The following NBAS variants were observed in gnomAD, a reference collection of about 807,000 sequenced individuals.
The protein encoded by NBAS is NAG/BC035112 fusion.
In NBAS, 219 loss-of-function variants were observed where a neutral mutation model predicts 302.5. That is an observed-to-expected ratio of 0.72 (90% CI 0.65 to 0.81). The LOEUF (loss-of-function observed/expected upper bound fraction) is 0.81. Among genes scored for constraint, NBAS ranks in the 30% least tolerant of loss-of-function variants. NBAS has a pLI of 0.00. For missense variants in NBAS, 2,932 were observed against 2,841.6 expected (o/e 1.03, Z -0.72); for synonymous variants, 1,118 against 1,021.6 (o/e 1.09, Z -1.80).
At chr2:15,500,588 C>G (rs1049097690) in intron 11 of NBAS, among the ~76,000 whole-genome samples, 2 of 151,174 alleles carry the variant, frequency 1.3e-5, no homozygotes, top group Non-Finnish European at 2.9e-5. Flanking sequence ...CCTCAAAAGC[C>G]TGTGACAAAA....
intron 40 of NBAS, among the ~76,000 whole-genome samples, chr2:15,299,369 C>T (rs1176321995): frequency 6.6e-6 from 1 of 152,154 alleles, no homozygotes; most frequent in Non-Finnish European, 1.5e-5. Context: ...CATAAATATT[C>T]ATGACAACAA....
At chr2:14,784,936 T>C in the NBAS span, among the ~76,000 whole-genome samples, 1 of 152,356 alleles carries the variant, frequency 6.6e-6, no homozygotes, top group South Asian at 2.1e-4. Context: ...CGATACTGAT[T>C]CTTCCTACCC....
At chr2:15,491,506 G>GCGGGCACATCACGAGGTCAGGAGAT (rs1680852266) in intron 11 of NBAS, among the ~76,000 whole-genome samples, 1 of 152,202 alleles carries the variant, frequency 6.6e-6, no homozygotes, top group Non-Finnish European at 1.5e-5. Context: ...GGAGGCCGAG[G>GCGGGCACATCACGAGGTCAGGAGAT]CGGGCACATC....
At chr2:15,232,344 A>G in intron 47 of NBAS, 78 bp downstream of exon 47, 2 of 1,366,962 alleles carry the variant, frequency 1.5e-6, no homozygotes, top group Non-Finnish European at 1.0e-6. Context: ...GAAGCCTCAT[A>G]CATACGGATA....
the NBAS span, among the ~76,000 whole-genome samples, chr2:15,110,174 G>A: frequency 6.6e-6 from 1 of 152,092 alleles, no homozygotes; most frequent in African/African-American, 2.4e-5. Flanking sequence ...GAAGTCACCT[G>A]AGAGCTCAGG....
intron 41 of NBAS, 115 bp downstream of exon 41, chr2:15,292,422 T>A: frequency 9.0e-7 from 1 of 1,115,682 alleles, no homozygotes; most frequent in South Asian, 1.4e-5. Context: ...AAAGCCCTAT[T>A]CATAGCAACC....
chr2:14,849,472 ATG>A, the NBAS span, among the ~76,000 whole-genome samples: 10 of 152,074 alleles, frequency 6.6e-5, no homozygotes, highest in East Asian at 1.9e-4. Flanking sequence ...CCTGAAAGTG[ATG>A]CGGAGAATGG....
chr2:14,869,918 G>A, the NBAS span, among the ~76,000 whole-genome samples: 5 of 152,166 alleles, frequency 3.3e-5, no homozygotes, highest in Admixed American at 6.5e-5. Context: ...TCATCACAGA[G>A]TCAACACTGA....
chr2:14,986,230 A>G, the NBAS span, among the ~76,000 whole-genome samples: 206 of 99,812 alleles, frequency 2.1e-3, no homozygotes, highest in African/African-American at 8.6e-3. Context: ...ATAATTGGGG[A>G]AAAAAAAAAA....
rs574689510 is a variant in NBAS at position 15,300,676 on chromosome 2, G to A, written c.4797+7540C>T. ...CAGTGGGCTAGGTCTGGTGATACAG[G>A]AAGCAAGAGAATTCCTGTCTTCAAA... is the stretch of plus-strand genomic sequence containing the variant. On this transcript the variant is annotated intron_variant, in intron 40 of 51. Transcript: ENST00000281513. Among the ~76,000 whole-genome samples the A allele has an allele frequency of 5.3e-5, 8 of 152,308 alleles. No homozygotes were observed. The South Asian group carries it at 1.5e-3, about 28-fold the overall frequency.
chr2:15,043,718 A>G, the NBAS span, among the ~76,000 whole-genome samples: 125,115 of 152,158 alleles, frequency 0.82, 51,788 homozygotes, highest in East Asian at 0.99. Context: ...GGTTTAAGGG[A>G]TTAAAATGTT....
the NBAS span, among the ~76,000 whole-genome samples, chr2:14,984,494 G>A: frequency 1.8e-4 from 28 of 152,212 alleles, no homozygotes; most frequent in Admixed American, 1.8e-3. Flanking sequence ...TGTGAGCACT[G>A]ACTTAGTTGG....
chr2:15,426,987 G>A (rs1048697450), intron 22 of NBAS, among the ~76,000 whole-genome samples: 2 of 152,136 alleles, frequency 1.3e-5, no homozygotes, highest in Non-Finnish European at 2.9e-5. Context: ...GGAGCAGGGA[G>A]TGGGAAGGAA....
chr2:15,148,796 C>T, the NBAS span, among the ~76,000 whole-genome samples: 3 of 152,128 alleles, frequency 2.0e-5, no homozygotes, highest in South Asian at 4.2e-4. Flanking sequence ...TATTGTTCTG[C>T]TCTTAATAGG....
chr2:15,275,649 C>T lies in NBAS; in HGVS notation c.5559G>A (p.Lys1853=). 1 of 1,614,202 alleles carries T rather than the reference C, an allele frequency of 6.2e-7. No homozygotes were observed. The highest frequency in any genetic ancestry group is 8.5e-7 in the Non-Finnish European group (1 of 1,180,040). Residue 1853 remains lysine (K), a synonymous_variant, in exon 44 of 52, where the codon AAG becomes AAA. Coordinates refer to ENST00000281513, the MANE Select transcript of NBAS (RefSeq NM_015909.4). ...PSSLYTIWLQ[K]LFWTGDPHLI... ...GATGAGGGTCTCCAGTCCAGAACAA[C>T]TTCTGTAACCAGATGGTGTACAGAG...
chr2:15,047,599 A>AGCTGGACCCATGCAGATGAAG, the NBAS span, among the ~76,000 whole-genome samples: 1 of 69,194 alleles, frequency 1.4e-5, no homozygotes, highest in Non-Finnish European at 3.1e-5. Flanking sequence ...TGCAGGTAAA[A>AGCTGGACCCATGCAGATGAAG]GCTGGACCCA....
At chr2:15,544,315 AT>A (rs1663998291) in intron 6 of NBAS, among the ~76,000 whole-genome samples, 1 of 152,030 alleles carries the variant, frequency 6.6e-6, no homozygotes, top group Admixed American at 6.6e-5. Context: ...AGGCCTAAAT[AT>A]AAGAAACTCT....
chr2:15,086,519 CAGAG>C, the NBAS span, among the ~76,000 whole-genome samples: 1 of 152,220 alleles, frequency 6.6e-6, no homozygotes, highest in Non-Finnish European at 1.5e-5. Context: ...ATATTGCAGA[CAGAG>C]AGAAGAGCTG....
At chr2:15,046,873 T>G in the NBAS span, among the ~76,000 whole-genome samples, 1 of 152,044 alleles carries the variant, frequency 6.6e-6, no homozygotes, top group Non-Finnish European at 1.5e-5. Flanking sequence ...AGAGGCAGCA[T>G]GGAGAAGAGA....
Sources: allele counts gnomAD v4.1 joint callset (sites outside exome capture counted in the v4.1 genomes callset), GRCh38; gene constraint gnomAD v4.1.1; transcripts MANE v1.5; gene names NCBI Gene and HGNC (gene_info 2026-07-23, HGNC 2026-07-21).